TSPAN18: variants seen among roughly 807,000 people sequenced by gnomAD.
The protein encoded by TSPAN18 is tetraspanin-18.
In TSPAN18, 14 loss-of-function variants were observed where a neutral mutation model predicts 27.3. The observed-to-expected ratio is 0.51, with a 90% CI of 0.34 to 0.80. The LOEUF (loss-of-function observed/expected upper bound fraction) is 0.80, where lower values mean the gene tolerates loss of function less well. Among genes scored for constraint, TSPAN18 ranks in the 30% least tolerant of loss-of-function variants. TSPAN18 has a pLI of 0.01. For synonymous variants in TSPAN18, 143 were observed against 136.5 expected (o/e 1.05, Z -0.33); for missense variants, 268 against 323.9 (o/e 0.83, Z 1.32).
intron 1 of TSPAN18, among the ~76,000 whole-genome samples, chr11:44,753,544 G>A (rs373537816): frequency 2.0e-5 from 3 of 152,136 alleles, no homozygotes; most frequent in African/African-American, 2.4e-5. Context: ...TGGACTCGCC[G>A]CTGCCACCCT....
chr11:44,764,136 A>G (rs1413298305), intron 1 of TSPAN18, among the ~76,000 whole-genome samples: 3 of 152,200 alleles, frequency 2.0e-5, no homozygotes, highest in Admixed American at 2.0e-4. Context: ...CTGAGGGGAC[A>G]GTGCTAACCC....
chr11:44,857,862 T>A (rs946352852), intron 2 of TSPAN18, among the ~76,000 whole-genome samples: 3 of 151,916 alleles, frequency 2.0e-5, no homozygotes, highest in South Asian at 4.2e-4. Context: ...TACACACAGA[T>A]GCATGCCCAC....
At chr11:44,777,087 G>T (rs1377927141) in intron 2 of TSPAN18, among the ~76,000 whole-genome samples, 1 of 152,200 alleles carries the variant, frequency 6.6e-6, no homozygotes. Flanking sequence ...CTTAGGAGCG[G>T]ACCTAGATGG....
chr11:44,735,248 C>T (rs950984546), intron 1 of TSPAN18, among the ~76,000 whole-genome samples: 1 of 152,222 alleles, frequency 6.6e-6, no homozygotes, highest in Non-Finnish European at 1.5e-5. Flanking sequence ...ATCCAGACCT[C>T]GGCTTCTGTG....
At chr11:44,794,844 T>G (rs1254567643) in intron 2 of TSPAN18, among the ~76,000 whole-genome samples, 2 of 152,106 alleles carry the variant, frequency 1.3e-5, no homozygotes, top group South Asian at 2.1e-4. Flanking sequence ...TGTGAGGACT[T>G]AAGAGAGAAT....
In TSPAN18 at chr11:44,929,692, C is replaced by A. The variant is rs555807105; in HGVS notation, c.*514C>A. ...TCCACTGGAGGATGGACTGTTCCCC[C>A]CTTCAGGCCGGGGCCAAGAGTGAGC... On this transcript the variant is annotated 3_prime_UTR_variant, in exon 10 of 10. Transcript: ENST00000520358. 154 of 154,676 alleles carry A rather than the reference C, an allele frequency of 1.0e-3. 1 individual carries two copies. The highest frequency in any genetic ancestry group is 5.0e-3 in the East Asian group (26 of 5,244). The allele number at this position is 154,676 out of a possible 1,614,324, so 9.6% of individuals were successfully genotyped here.
chr11:44,906,626 AG>A, intron 4 of TSPAN18, 147 bp downstream of exon 4: 1 of 775,344 alleles, frequency 1.3e-6, no homozygotes, highest in Non-Finnish European at 2.1e-6. Flanking sequence ...CTTTCATGGA[AG>A]GGGGCCCCCA....
intron 2 of TSPAN18, among the ~76,000 whole-genome samples, chr11:44,773,901 G>A (rs1417278713): frequency 6.6e-6 from 1 of 152,178 alleles, no homozygotes; most frequent in Non-Finnish European, 1.5e-5. Flanking sequence ...TTGGGGTTAT[G>A]GAGAGCTGGG....
At chr11:44,828,740 A>G (rs835834) in intron 2 of TSPAN18, among the ~76,000 whole-genome samples, 140,554 of 152,208 alleles carry the variant, frequency 0.92, 65,956 homozygotes, top group East Asian at 1. Context: ...CAGTGAATGG[A>G]GAGCCTCAGT....
chr11:44,902,183 GC>G (rs1730276188), intron 3 of TSPAN18, among the ~76,000 whole-genome samples: 1 of 152,200 alleles, frequency 6.6e-6, no homozygotes, highest in African/African-American at 2.4e-5. Context: ...CGTGATAAGA[GC>G]TGTCCATCCT....
chr11:44,737,872 T>A (rs1854835840), intron 1 of TSPAN18, among the ~76,000 whole-genome samples: 1 of 152,002 alleles, frequency 6.6e-6, no homozygotes, highest in Non-Finnish European at 1.5e-5. Flanking sequence ...TGACTCCTCC[T>A]CATCCTTTGG....
In TSPAN18 at chr11:44,908,769, G is replaced by GAGAGGAA. The variant is rs1859563913; in HGVS notation, c.64-933_64-932insGGAAAGA. The stretch of plus-strand genomic sequence containing the variant: ...AAGAGAGAGAGAGAGAGAGAGAAAG[G>GAGAGGAA]AGAAAGAAAGAAAGAAAGAAAGAAA... On this transcript the variant is annotated intron_variant, in intron 4 of 9. Coordinates refer to ENST00000520358, the MANE Select transcript of TSPAN18 (RefSeq NM_130783.5). 1.1e-4 allele frequency among the ~76,000 whole-genome samples: 8 copies of GAGAGGAA among 71,620 alleles called. 1 individual carries two copies. The highest frequency in any genetic ancestry group is 7.7e-5 in the Non-Finnish European group (3 of 39,160). 47.0% of individuals were successfully genotyped at this position (71,620 alleles called of 152,430 possible).
At chr11:44,795,322 A>C (rs911032614) in intron 2 of TSPAN18, among the ~76,000 whole-genome samples, 6 of 149,460 alleles carry the variant, frequency 4.0e-5, no homozygotes, top group African/African-American at 1.5e-4. Flanking sequence ...TGATGTTGGC[A>C]TGAGGCGATG....
intron 3 of TSPAN18, among the ~76,000 whole-genome samples, chr11:44,861,793 TCACACACA>T (rs56816197): frequency 0.022 from 2,861 of 132,088 alleles, 34 homozygotes; most frequent in African/African-American, 0.033. Flanking sequence ...AGCCCAAATT[TCACACACA>T]CACACACACA....
In TSPAN18 at chr11:44,906,469, T is replaced by A; in HGVS notation, c.53T>A (p.Phe18Tyr). The change falls in exon 4 of 10, where the codon TTC becomes TAC. Residue 18 changes from phenylalanine to tyrosine, a missense_variant. Coordinates refer to ENST00000520358, the MANE Select transcript of TSPAN18 (RefSeq NM_130783.5). ...AAGTATCTGATGTTTGTATTCAATT[T>A]CTTCATATTTGTAAGTATTCCTGGG... ...CMKYLMFVFNFFIFLGGACLL... is the reference protein window; with the variant it reads ...CMKYLMFVFNYFIFLGGACLL... 6.2e-7 allele frequency: 1 copy of A among 1,614,144 alleles called. No homozygotes were observed. Among genetic ancestry groups the A allele is most frequent in the Non-Finnish European group, 8.5e-7 (1 of 1,179,964 alleles).
intron 2 of TSPAN18, among the ~76,000 whole-genome samples, chr11:44,857,344 G>A (rs1857764353): frequency 6.6e-6 from 1 of 152,228 alleles, no homozygotes; most frequent in Non-Finnish European, 1.5e-5. Flanking sequence ...GGTTGCCTGT[G>A]TCAACCACAG....
chr11:44,919,389 G>A, intron 7 of TSPAN18, 77 bp downstream of exon 7: 1 of 1,249,736 alleles, frequency 8.0e-7, no homozygotes, highest in Non-Finnish European at 1.2e-6. Context: ...CCAGGCATCA[G>A]TAATCAATCC....
At chr11:44,851,624 C>CAA (rs1554991761) in intron 2 of TSPAN18, among the ~76,000 whole-genome samples, 1 of 148,468 alleles carries the variant, frequency 6.7e-6, no homozygotes, top group African/African-American at 2.5e-5. Context: ...CTCCCCCCCC[C>CAA]AACGGCTGGG....
At chr11:44,877,162 A>G (rs1858358958) in intron 3 of TSPAN18, among the ~76,000 whole-genome samples, 1 of 152,268 alleles carries the variant, frequency 6.6e-6, no homozygotes, top group Admixed American at 6.5e-5. Context: ...CCCGCTGCCA[A>G]ACAGTCGAGG....
Sources: allele counts gnomAD v4.1 joint callset (sites outside exome capture counted in the v4.1 genomes callset), GRCh38; gene constraint gnomAD v4.1.1; transcripts MANE v1.5; gene names NCBI Gene and HGNC (gene_info 2026-07-23, HGNC 2026-07-21).